The following POLRMT variants were observed in gnomAD, a reference collection of about 807,000 sequenced individuals.
POLRMT encodes RNA polymerase mitochondrial, also known as DNA-directed RNA polymerase, mitochondrial.
In POLRMT, 114 loss-of-function variants were observed where a neutral mutation model predicts 132.2. The observed-to-expected ratio is 0.86, with a 90% confidence interval of 0.74 to 1.01. The LOEUF is 1.01. Ranked by LOEUF, POLRMT falls within the 50% of genes least tolerant of loss-of-function variation. POLRMT has a pLI of 0.00. For synonymous variants in POLRMT, 1,020 were observed against 773.4 expected, an observed-to-expected ratio of 1.32 and a Z score of -5.29; for missense variants, 2,003 against 1,729.1, an observed-to-expected ratio of 1.16 and a Z score of -2.81.
rs752503813 is a variant in POLRMT, at chr19:620,401, G to A, written c.2727C>T (p.Asp909=). ...MEVANAVRAS[D]PAAYVSHLPV... ...GGAGGTGGGAGACATAGGCGGCAGG[G>A]TCGGAGGCGCGCACAGCGTTCGCCA... Residue 909 remains aspartate (D), a synonymous_variant, in exon 11 of 21, where the codon GAC becomes GAT. Transcript: ENST00000588649. 3 of 1,585,536 alleles carry A rather than the reference G, an allele frequency of 1.9e-6. No individual in the cohort carries two copies. The highest frequency in any genetic ancestry group is 1.3e-5 in the African/African-American group (1 of 74,374).
At chr19:627,447 C>T (rs537693624) in intron 3 of POLRMT, among the ~76,000 whole-genome samples, 37 of 151,788 alleles carry the variant, frequency 2.4e-4, no homozygotes, top group Non-Finnish European at 4.0e-4. Context: ...CCACTGTGCC[C>T]GGCCGGTTTT....
chr19:632,714 C>T (rs1985511515), intron 2 of POLRMT, 120 bp downstream of exon 2: 2 of 795,236 alleles, frequency 2.5e-6, no homozygotes. Context: ...CTGGGCGTGT[C>T]CTGGGACCCG....
intron 17 of POLRMT, chr19:618,106 G>C (rs1039067061): frequency 3.8e-5 from 22 of 572,808 alleles, no homozygotes; most frequent in Middle Eastern, 9.2e-4. Context: ...CCTCAGCTCC[G>C]AGGGCGGCTA....
Position 617,553 on chromosome 19 carries a change from G to T in POLRMT, c.3581+17C>A, listed in dbSNP as rs201578372. ...TGGGGGGGGAATCCAGGTAGTTGGG[G>T]TCAGGGAGCGCCTTACTCAGAGCAG... On this transcript the variant is annotated intron_variant, in intron 19 of 20. Transcript: ENST00000588649. 112 of 1,611,056 alleles carry T rather than the reference G, an allele frequency of 7.0e-5. No homozygotes were observed. Among genetic ancestry groups the T allele is most frequent in the Non-Finnish European group, 8.2e-5 (97 of 1,179,720 alleles).
rs1360083041 is a variant in POLRMT at position 630,003 on chromosome 19, C to A, written c.359G>T (p.Gly120Val). 8 of 1,613,798 alleles carry A rather than the reference C, an allele frequency of 5.0e-6. No homozygotes were observed. Among genetic ancestry groups the A allele is most frequent in the Middle Eastern group, 1.7e-4 (1 of 5,908 alleles). ...CTTCTCCAGTATCTTTGCCCAGCGG[C>A]CACAGGGCACCGGGGTGGCATCCTT... is the stretch of plus-strand genomic sequence containing the variant. ...GAKDATPVPC[G>V]RWAKILEKDK... The change falls in exon 3 of 21, where the codon GGC becomes GTC. Residue 120 changes from glycine (G) to valine (V), a missense_variant. Coordinates refer to ENST00000588649, the MANE Select transcript of POLRMT (RefSeq NM_005035.4).
Position 621,925 on chromosome 19 carries a change from G to A in POLRMT, c.1852-79C>T, listed in dbSNP as rs144900221. The A allele has an allele frequency of 6.2e-4, 930 of 1,500,320 alleles. 4 individuals carry two copies. In the East Asian group the frequency reaches 0.016, roughly 26 times the overall value. The allele number at this position is 1,500,320 out of a possible 1,614,324, so 92.9% of individuals were successfully genotyped here. A position where few individuals can be genotyped will look rare whatever the true frequency, so the allele number is the denominator to read the frequency against. Reference sequence around the variant, plus strand: ...CCCACCCCTTAAACTTGGGTGAGAGGGGCCGGCTCCCCGGCCAACAAGAAA... The same window carrying A: ...CCCACCCCTTAAACTTGGGTGAGAGAGGCCGGCTCCCCGGCCAACAAGAAA... On this transcript the variant is annotated intron_variant, in intron 9 of 20. Coordinates refer to ENST00000588649, the MANE Select transcript of POLRMT (RefSeq NM_005035.4).
chr19:622,936 C>T lies in POLRMT; in HGVS notation c.1340G>A (p.Arg447Gln), dbSNP rs144179084. 636 of 1,612,832 alleles carry T rather than the reference C, an allele frequency of 3.9e-4. No homozygotes were observed. Among genetic ancestry groups the T allele is most frequent in the Non-Finnish European group, 4.7e-4 (558 of 1,179,922 alleles). ...GCGGTTCTTGGTCTCCCGCAGCGCC[C>T]GGCACAGTGCTTTCTCCCATTGGTC... is the stretch of plus-strand genomic sequence containing the variant. ...LRDQWEKALC[R>Q]ALRETKNRLE... Residue 447 changes from arginine to glutamine, a missense_variant, in exon 7 of 21, where the codon CGG (arginine) becomes CAG (glutamine). Physicochemically the swap from Arg to Gln is conservative, Grantham distance 43 (BLOSUM62 1). Transcript: ENST00000588649.
chr19:617,881 G>A (rs775738468), intron 17 of POLRMT, 32 bp from the exon 18 acceptor site: 28 of 1,606,174 alleles, frequency 1.7e-5, no homozygotes, highest in Middle Eastern at 1.6e-4. Flanking sequence ...CTGAAGGGAG[G>A]GGAGCTCACA....
At chr19:630,975 T>C (rs995503348) in intron 2 of POLRMT, among the ~76,000 whole-genome samples, 2 of 151,564 alleles carry the variant, frequency 1.3e-5, no homozygotes, top group African/African-American at 2.4e-5. Context: ...CTGGCCAACA[T>C]GGTGAAACCC....
intron 3 of POLRMT, among the ~76,000 whole-genome samples, chr19:626,915 A>AT: frequency 6.6e-6 from 1 of 150,494 alleles, no homozygotes; most frequent in African/African-American, 2.4e-5. Flanking sequence ...ATATATATAT[A>AT]AAATAACATA....
rs763266025 is a variant in POLRMT at position 620,073 on chromosome 19, G to C, written c.2771C>G (p.Ser924Cys). The C allele has an allele frequency of 2.6e-6, 4 of 1,541,368 alleles. No homozygotes were observed. The highest frequency in any genetic ancestry group is 1.2e-5 in the South Asian group (1 of 84,624). ...AGCATAATGCTGCAGGCCGTTGCAAGAGCCGTCCTGAGGAAGGGGCGGCAA... is the reference window on the plus strand; with the variant it reads ...AGCATAATGCTGCAGGCCGTTGCAACAGCCGTCCTGAGGAAGGGGCGGCAA... ...VSHLPVHQDG[S>C]CNGLQHYAAL... Residue 924 changes from serine to cysteine, a missense_variant, in exon 12 of 21, where the codon TCT becomes TGT. Transcript: ENST00000588649.
intron 3 of POLRMT, among the ~76,000 whole-genome samples, chr19:628,632 G>GC (rs1491514000): frequency 8.1e-5 from 3 of 36,850 alleles, no homozygotes; most frequent in African/African-American, 2.8e-4. Flanking sequence ...GAAGGATCAT[G>GC]GGGGGGGAGA....
intron 18 of POLRMT, 36 bp from the exon 19 acceptor site, chr19:617,691 G>A (rs768074385): frequency 5.0e-6 from 8 of 1,611,694 alleles, no homozygotes; most frequent in East Asian, 2.2e-5. Flanking sequence ...GGGGTGATCA[G>A]GCAGGCTCTG....
chr19:627,147 C>CT (rs771954413), intron 3 of POLRMT, among the ~76,000 whole-genome samples: 12,178 of 130,302 alleles, frequency 0.093, 731 homozygotes, highest in Non-Finnish European at 0.14. Context: ...AGTTTTGGGG[C>CT]ATTTTTTTTT....
chr19:617,418 C>G lies in POLRMT; in HGVS notation c.3643+1G>C. On this transcript the variant is annotated splice_donor_variant, in intron 20 of 20. Transcript: ENST00000588649. LOFTEE classifies it high-confidence loss of function. ...CCTTGCGAGGCTGCCCACCCGCCTA[C>G]CTGGCTTGGGCACCGCCTGCAGTGT... 2 of 1,612,330 alleles carry G rather than the reference C, an allele frequency of 1.2e-6. No individual in the cohort carries two copies. The highest frequency in any genetic ancestry group is 1.7e-6 in the Non-Finnish European group (2 of 1,179,832).
chr19:618,956 G>A lies in POLRMT; in HGVS notation c.3267+41C>T, dbSNP rs758326044. ...GGTACACTGGGACGCTGTTACACTGGGATGGTGGCACACTGGGGAGGGATG... is the reference window on the plus strand; with the variant it reads ...GGTACACTGGGACGCTGTTACACTGAGATGGTGGCACACTGGGGAGGGATG... On this transcript the variant is annotated intron_variant, in intron 15 of 20. Coordinates refer to ENST00000588649, the MANE Select transcript of POLRMT (RefSeq NM_005035.4). 2.0e-6 allele frequency: 3 copies of A among 1,481,060 alleles called. No individual in the cohort carries two copies. In the South Asian group the frequency reaches 3.8e-5, roughly 19 times the overall value. The allele number at this position is 1,481,060 out of a possible 1,614,324, so 91.7% of individuals were successfully genotyped here. A position where few individuals can be genotyped will look rare whatever the true frequency, so the allele number is the denominator to read the frequency against.
Position 623,678 on chromosome 19 carries a change from G to A in POLRMT, c.1141-75C>T. On this transcript the variant is annotated intron_variant, in intron 5 of 20. Coordinates refer to ENST00000588649, the MANE Select transcript of POLRMT (RefSeq NM_005035.4). ...CCCTCCCAGGACCCCGAGACAGCAT[G>A]GGTGCACGCGTTTCTGCGTCTCCTG... The A allele has an allele frequency of 2.6e-6, 4 of 1,516,710 alleles. No homozygotes were observed. In the South Asian group the frequency reaches 4.6e-5, roughly 17 times the overall value. The allele number at this position is 1,516,710 out of a possible 1,614,324, so 94.0% of individuals were successfully genotyped here. A position where few individuals can be genotyped will look rare whatever the true frequency, so the allele number is the denominator to read the frequency against.
At chr19:623,667 C>G in intron 5 of POLRMT, 64 bp from the exon 6 acceptor site, 2 of 1,574,828 alleles carry the variant, frequency 1.3e-6, no homozygotes, top group South Asian at 1.1e-5. Context: ...CCCAGGACCC[C>G]GAGACAGCAT....
In POLRMT at chr19:617,437, G is replaced by A. The variant is rs1367744605; in HGVS notation, c.3625C>T (p.Gln1209Ter). ...LEASQLKETLQAVPKPGAFDL... is the reference protein window; with the variant it reads ...LEASQLKETL ...CGCCTACCTGGCTTGGGCACCGCCT[G>A]CAGTGTCTCCTTCAGCTGGCTGGCC... Residue 1209 changes from glutamine to a stop codon, truncating the protein, a stop_gained, in exon 20 of 21, where the codon CAG becomes TAG. Transcript: ENST00000588649. LOFTEE classifies it high-confidence loss of function. The A allele has an allele frequency of 1.2e-6, 2 of 1,612,120 alleles. No homozygotes were observed. Among genetic ancestry groups the A allele is most frequent in the South Asian group, 1.1e-5 (1 of 91,056 alleles).
Sources: allele counts gnomAD v4.1 joint callset (sites outside exome capture counted in the v4.1 genomes callset), GRCh38; gene constraint gnomAD v4.1.1; transcripts MANE v1.5; gene names NCBI Gene and HGNC (gene_info 2026-07-23, HGNC 2026-07-21).